Variants in TMEM80 observed in about 807,000 individuals in gnomAD.
TMEM80 encodes the protein transmembrane protein 80.
In TMEM80, 16 loss-of-function variants were observed where a neutral mutation model predicts 13.6. The observed-to-expected ratio is 1.17, with a 90% CI of 0.79 to 1.78. The LOEUF (loss-of-function observed/expected upper bound fraction) is 1.78. Among genes scored for constraint, TMEM80 ranks in the 40% most tolerant of loss-of-function variants. The pLI, the probability that TMEM80 is intolerant of heterozygous loss-of-function variation, is 0.00. For synonymous variants in TMEM80, 92 were observed against 89.5 expected, an observed-to-expected ratio of 1.03 and a Z score of -0.16; for missense variants, 167 against 184.6, an observed-to-expected ratio of 0.90 and a Z score of 0.55.
upstream of TMEM80, chr11:695,790 G>T: frequency 8.1e-7 from 1 of 1,236,296 alleles, no homozygotes; most frequent in Non-Finnish European, 1.0e-6. Flanking sequence ...CCGAGAGGCT[G>T]CCGGGATCGC....
rs1861114409 is a variant in TMEM80, at chr11:695,841, G to GA, written c.14_15insA (p.Arg6AlafsTer39). ...GGGGCGGGTAAGATGGCGGCCCCGC[G>GA]GCGAGGTGAGCTCGGGCGGGGTGGG... is the stretch of plus-strand genomic sequence containing the variant. On this transcript the variant is annotated frameshift_variant, in exon 1 of 5. Transcript: ENST00000397510. LOFTEE classifies it high-confidence loss of function. The GA allele has an allele frequency of 1.6e-6, 2 of 1,230,088 alleles. No individual in the cohort carries two copies. Among genetic ancestry groups the GA allele is most frequent in the African/African-American group, 3.1e-5 (2 of 64,316 alleles). 76.2% of individuals were successfully genotyped at this position (1,230,088 alleles called of 1,614,324 possible).
At chr11:697,200 G>C (rs935283848) in intron 1 of TMEM80, among the ~76,000 whole-genome samples, 1 of 152,028 alleles carries the variant, frequency 6.6e-6, no homozygotes, top group Non-Finnish European at 1.5e-5. Flanking sequence ...ACTGCAGTGA[G>C]CTGTGATCAG....
upstream of TMEM80, chr11:695,732 C>A: frequency 8.1e-7 from 1 of 1,241,098 alleles, no homozygotes; most frequent in Non-Finnish European, 1.0e-6. Flanking sequence ...CGGTCGGGCC[C>A]CTTCGTCAGG....
Position 700,951 on chromosome 11 carries a change from G to A in TMEM80, c.226+244G>A, listed in dbSNP as rs1861428264. 5 of 559,596 alleles carry A rather than the reference G, an allele frequency of 8.9e-6. No individual in the cohort carries two copies. The Admixed American group carries it at 9.2e-5, about 10-fold the overall frequency. 34.7% of individuals were successfully genotyped at this position (559,596 alleles called of 1,614,324 possible). On this transcript the variant is annotated intron_variant, in intron 4 of 4. Transcript: ENST00000397510. ...GACTCTGTGTTTGGAAGCATGTCTT[G>A]TAGAAGCCACTGGGTAATGGCACTG...
At chr11:704,424 C>T (rs1861630867), downstream of TMEM80, 1 of 1,285,974 alleles carries the variant, frequency 7.8e-7, no homozygotes, top group South Asian at 1.2e-5. Flanking sequence ...CTTCCTTTGA[C>T]CTGTCTGTGG....
At chr11:702,887 C>T (rs1861559399) in intron 4 of TMEM80, 58 bp from the exon 5 acceptor site, 7 of 1,497,990 alleles carry the variant, frequency 4.7e-6, no homozygotes, top group South Asian at 1.3e-5. Context: ...CACCTGTGGG[C>T]GGTGGGCTCC....
Position 703,296 on chromosome 11 carries a change from G to C in TMEM80, c.*146G>C. 7.0e-7 allele frequency: 1 copy of C among 1,428,926 alleles called. No homozygotes were observed. The highest frequency in any genetic ancestry group is 2.6e-5 in the East Asian group (1 of 39,102). The allele number at this position is 1,428,926 out of a possible 1,614,324, so 88.5% of individuals were successfully genotyped here. ...GTTTTGGATGGTTCCATCTGTTCTGGCAGGAGTGGGAGCAGGAGCCAGGGC... is the reference window on the plus strand; with the variant it reads ...GTTTTGGATGGTTCCATCTGTTCTGCCAGGAGTGGGAGCAGGAGCCAGGGC... On this transcript the variant is annotated 3_prime_UTR_variant, in exon 5 of 5. Coordinates refer to ENST00000397510, the MANE Select transcript of TMEM80 (RefSeq NM_001042463.3).
intron 1 of TMEM80, 122 bp from the exon 2 acceptor site, chr11:698,747 C>A: frequency 8.3e-7 from 1 of 1,210,416 alleles, no homozygotes; most frequent in Non-Finnish European, 1.2e-6. Flanking sequence ...ATGTTTGCTG[C>A]TTTCTACAAA....
In TMEM80 at chr11:703,474, GC is replaced by G. The variant is rs1861592856; in HGVS notation, c.*329del. 1 of 1,257,524 alleles carries G rather than the reference GC, an allele frequency of 8.0e-7. No homozygotes were observed. The highest frequency in any genetic ancestry group is 1.0e-6 in the Non-Finnish European group (1 of 1,003,198). 77.9% of individuals were successfully genotyped at this position (1,257,524 alleles called of 1,614,324 possible). On this transcript the variant is annotated 3_prime_UTR_variant, in exon 5 of 5. Transcript: ENST00000397510. The stretch of plus-strand genomic sequence containing the variant: ...GCCAGGCCTCCACAGACCCCCATGG[GC>G]CCCCAGGGCCGAGAGGGAGGACAGA...
rs780522862 is a variant in TMEM80, at chr11:703,655, T to A, written c.*505T>A. ...TGGAGACGCAGGATGGGGTAGGCCTTGTGCTCTGAGCAACCCCAGCTCTGC... is the reference window on the plus strand; with the variant it reads ...TGGAGACGCAGGATGGGGTAGGCCTAGTGCTCTGAGCAACCCCAGCTCTGC... On this transcript the variant is annotated 3_prime_UTR_variant, in exon 5 of 5. Transcript: ENST00000397510. 7.9e-5 allele frequency: 97 copies of A among 1,232,626 alleles called. No homozygotes were observed. Among genetic ancestry groups the A allele is most frequent in the Non-Finnish European group, 9.5e-5 (94 of 988,666 alleles). 76.4% of individuals were successfully genotyped at this position (1,232,626 alleles called of 1,614,324 possible).
In TMEM80 at chr11:702,994, G is replaced by C; in HGVS notation, c.276G>C (p.Leu92=). ...CTGAGAGGCCGCTGGCCGCCAGCCTGGCCCTCACGGCTGGCACCGCCCTCC... is the reference window on the plus strand; with the variant it reads ...CTGAGAGGCCGCTGGCCGCCAGCCTCGCCCTCACGGCTGGCACCGCCCTCC... ...TEAERPLAAS[L]ALTAGTALLS... Residue 92 remains leucine, a synonymous_variant, in exon 5 of 5, where the codon CTG becomes CTC. Transcript: ENST00000397510. The C allele has an allele frequency of 6.2e-7, 1 of 1,611,858 alleles. No homozygotes were observed. The highest frequency in any genetic ancestry group is 8.5e-7 in the Non-Finnish European group (1 of 1,179,686).
rs1861586935 is a variant in TMEM80 at position 703,360 on chromosome 11, G to A, written c.*210G>A. 11 of 1,393,936 alleles carry A rather than the reference G, an allele frequency of 7.9e-6. No homozygotes were observed. In the South Asian group the frequency reaches 2.0e-4, roughly 25 times the overall value. The allele number at this position is 1,393,936 out of a possible 1,614,324, so 86.3% of individuals were successfully genotyped here. On this transcript the variant is annotated 3_prime_UTR_variant, in exon 5 of 5. Coordinates refer to ENST00000397510, the MANE Select transcript of TMEM80 (RefSeq NM_001042463.3). The stretch of plus-strand genomic sequence containing the variant: ...GGAGGCCCTGGTGTTGGGAACAGCT[G>A]CGGGGAGGGTAGGGACCAGACAGAA...
At chr11:695,904 T>A in intron 1 of TMEM80, 58 bp downstream of exon 1, 1 of 1,190,298 alleles carries the variant, frequency 8.4e-7, no homozygotes, top group Non-Finnish European at 1.1e-6. Context: ...GGCGTTTCCC[T>A]GTGGTGACAA....
chr11:703,344 G>A lies in TMEM80; in HGVS notation c.*194G>A, dbSNP rs772322786. On this transcript the variant is annotated 3_prime_UTR_variant, in exon 5 of 5. Coordinates refer to ENST00000397510, the MANE Select transcript of TMEM80 (RefSeq NM_001042463.3). ...GGCAGAACAAACTGCTGGAGGCCCTGGTGTTGGGAACAGCTGCGGGGAGGG... is the reference window on the plus strand; with the variant it reads ...GGCAGAACAAACTGCTGGAGGCCCTAGTGTTGGGAACAGCTGCGGGGAGGG... 4.3e-6 allele frequency: 6 copies of A among 1,398,954 alleles called. No individual in the cohort carries two copies. The highest frequency in any genetic ancestry group is 1.5e-5 in the African/African-American group (1 of 68,682). 86.7% of individuals were successfully genotyped at this position (1,398,954 alleles called of 1,614,324 possible). A position where few individuals can be genotyped will look rare whatever the true frequency, so the allele number is the denominator to read the frequency against.
Position 703,082 on chromosome 11 carries a change from A to G in TMEM80, c.364A>G (p.Thr122Ala). 1 of 1,612,474 alleles carries G rather than the reference A, an allele frequency of 6.2e-7. No individual in the cohort carries two copies. Among genetic ancestry groups the G allele is most frequent in the Non-Finnish European group, 8.5e-7 (1 of 1,179,640 alleles). ...GTGGGCGGACTGGGCCCTCAGCGCC[A>G]CGCTCCTGGCCCTTCACGGCCTGGA... ...VLWADWALSA[T>A]LLALHGLEAV... Residue 122 changes from threonine to alanine, a missense_variant, in exon 5 of 5, where the codon ACG becomes GCG. Transcript: ENST00000397510.
intron 2 of TMEM80, 130 bp downstream of exon 2, chr11:699,018 TC>T: frequency 9.2e-7 from 1 of 1,090,758 alleles, no homozygotes; most frequent in Non-Finnish European, 1.4e-6. Flanking sequence ...AGGGGGGTGT[TC>T]CTTGACAGAT....
In TMEM80 at chr11:700,696, G is replaced by A. The variant is rs754819477; in HGVS notation, c.215G>A (p.Arg72Gln). Residue 72 changes from arginine to glutamine, a missense_variant, in exon 4 of 5, where the codon CGG becomes CAG. Coordinates refer to ENST00000397510, the MANE Select transcript of TMEM80 (RefSeq NM_001042463.3). ...LFLMGILEAVRLYLGTRGNLT... is the reference protein window; with the variant it reads ...LFLMGILEAVQLYLGTRGNLT... ...CTGATGGGGATTCTAGAAGCAGTTC[G>A]GTTATACCTGGGTGAGTGGACTGTT... 11 of 1,613,880 alleles carry A rather than the reference G, an allele frequency of 6.8e-6. No homozygotes were observed. The highest frequency in any genetic ancestry group is 5.0e-5 in the Admixed American group (3 of 59,976).
At chr11:701,081 GAGTT>G in intron 4 of TMEM80, 1 of 267,462 alleles carries the variant, frequency 3.7e-6, no homozygotes, top group Non-Finnish European at 7.4e-6. Flanking sequence ...GAGCCCTGGA[GAGTT>G]CTGCCAGGTC....
At chr11:699,921 A>G in intron 2 of TMEM80, 1 of 550,316 alleles carries the variant, frequency 1.8e-6, no homozygotes, top group Non-Finnish European at 3.3e-6. Context: ...TTGTTGTGGC[A>G]TGGAGGGGGG....
Sources: gnomAD v4.1 joint callset for allele counts (sites outside exome capture counted in the v4.1 genomes callset) on GRCh38, gnomAD v4.1.1 for gene constraint, MANE v1.5 for transcripts, NCBI Gene and HGNC (gene_info 2026-07-23, HGNC 2026-07-21) for gene names.